DAB2IP: variants seen among roughly 807,000 people sequenced by gnomAD.
DAB2IP encodes DAB2 interacting protein, also known as disabled homolog 2-interacting protein.
DAB2IP carries 28 observed loss-of-function variants against 107.2 expected under a neutral mutation model. The observed-to-expected ratio is 0.26, with a 90% confidence interval of 0.19 to 0.36. The LOEUF (loss-of-function observed/expected upper bound fraction) is 0.36. Ranked by LOEUF, DAB2IP falls within the 10% of genes least tolerant of loss-of-function variation. The pLI, the probability that DAB2IP is intolerant of heterozygous loss-of-function variation, is 1.00. For missense variants in DAB2IP, 1,400 were observed against 1,644.7 expected (o/e 0.85, Z 2.57); for synonymous variants, 755 against 706.4 (o/e 1.07, Z -1.09).
At chr9:121,588,842 G>C (rs1830365426) in intron 1 of DAB2IP, among the ~76,000 whole-genome samples, 1 of 151,842 alleles carries the variant, frequency 6.6e-6, no homozygotes, top group Admixed American at 6.6e-5. Flanking sequence ...TGGGGAGGTG[G>C]CTGTCTTCAG....
intron 3 of DAB2IP, among the ~76,000 whole-genome samples, chr9:121,725,725 G>A (rs925235266): frequency 2.6e-5 from 4 of 152,208 alleles, no homozygotes; most frequent in Admixed American, 2.6e-4. Flanking sequence ...TCCCTTGAGG[G>A]AGGGAAAGGG....
At chr9:121,579,629 C>T (rs75318126) in intron 1 of DAB2IP, among the ~76,000 whole-genome samples, 20,128 of 152,132 alleles carry the variant, frequency 0.13, 1,631 homozygotes, top group East Asian at 0.24. Flanking sequence ...CTCTGTGCAC[C>T]TGACCGGTTC....
Position 121,746,815 on chromosome 9 carries a change from C to T in DAB2IP, c.363-10198C>T, listed in dbSNP as rs948091235. On this transcript the variant is annotated intron_variant, in intron 3 of 15. Coordinates refer to ENST00000408936, the Ensembl canonical transcript of DAB2IP. ...TCATTATCATTTCCCACTTGGGTCT[C>T]GCATCCCCAGGGCCCTGAGGTGGCT... Among the ~76,000 whole-genome samples, 5 of 152,304 alleles carry T rather than the reference C, an allele frequency of 3.3e-5. No homozygotes were observed. In the East Asian group the frequency reaches 5.8e-4, roughly 18 times the overall value.
At chr9:121,697,849 T>C (rs1384291122) in intron 2 of DAB2IP, among the ~76,000 whole-genome samples, 3 of 152,062 alleles carry the variant, frequency 2.0e-5, no homozygotes, top group East Asian at 1.9e-4. Flanking sequence ...AGGAGAAAGA[T>C]AGGAAAAGGG....
intron 1 of DAB2IP, among the ~76,000 whole-genome samples, chr9:121,612,261 C>T (rs1254316529): frequency 6.6e-6 from 1 of 151,920 alleles, no homozygotes; most frequent in Non-Finnish European, 1.5e-5. Flanking sequence ...GTTGAGGCTG[C>T]AGCGAGCCGG....
At chr9:121,596,101 A>C (rs1308399829) in intron 1 of DAB2IP, among the ~76,000 whole-genome samples, 1 of 152,156 alleles carries the variant, frequency 6.6e-6, no homozygotes, top group Admixed American at 6.5e-5. Context: ...CAGGTGGATC[A>C]CCTGAGGCGG....
At chr9:121,577,069 C>T (rs1049931227) in intron 1 of DAB2IP, among the ~76,000 whole-genome samples, 11 of 152,180 alleles carry the variant, frequency 7.2e-5, no homozygotes, top group African/African-American at 1.9e-4. Context: ...GGACATCTCT[C>T]GGGCTCTGCC....
intron 2 of DAB2IP, among the ~76,000 whole-genome samples, chr9:121,685,472 T>TTA (rs1262540269): frequency 6.6e-6 from 1 of 152,158 alleles, no homozygotes; most frequent in Non-Finnish European, 1.5e-5. Context: ...CCCCACCCCA[T>TTA]TAATACACAG....
intron 2 of DAB2IP, among the ~76,000 whole-genome samples, chr9:121,679,878 G>C (rs989807021): frequency 6.6e-6 from 1 of 152,054 alleles, no homozygotes; most frequent in Non-Finnish European, 1.5e-5. Flanking sequence ...AGGGACTTCC[G>C]GGGAGGGAGA....
intron 1 of DAB2IP, among the ~76,000 whole-genome samples, chr9:121,610,743 G>C (rs1211162313): frequency 2.0e-5 from 3 of 152,152 alleles, no homozygotes; most frequent in Non-Finnish European, 4.4e-5. Flanking sequence ...TAGTCAGAGG[G>C]GGGCGCAGAG....
At position 121,597,670 on chromosome 9, in the gene DAB2IP, T is replaced by C. The variant is rs559245965; in HGVS notation, c.40+30442T>C. On this transcript the variant is annotated intron_variant, in intron 1 of 16. Transcript: ENST00000259371. ...AAAAGGATTTCTTGCATACTATCTC[T>C]TGGAGTTCTAAAACTCCCTTTTTGC... 2.6e-5 allele frequency among the ~76,000 whole-genome samples: 4 copies of C among 152,340 alleles called. No individual in the cohort carries two copies. In the East Asian group the frequency reaches 7.7e-4, roughly 29 times the overall value.
intron 3 of DAB2IP, among the ~76,000 whole-genome samples, chr9:121,720,248 T>A (rs970586680): frequency 6.6e-6 from 1 of 152,154 alleles, no homozygotes; most frequent in Non-Finnish European, 1.5e-5. Context: ...GTGTGCCTCA[T>A]TGAGTGGCAG....
intron 1 of DAB2IP, among the ~76,000 whole-genome samples, chr9:121,657,418 C>T (rs934613773): frequency 9.2e-5 from 14 of 152,216 alleles, no homozygotes; most frequent in African/African-American, 3.4e-4. Flanking sequence ...GAACAGCTCC[C>T]TTTCACCAAG....
intron 3 of DAB2IP, among the ~76,000 whole-genome samples, chr9:121,706,903 C>A (rs887554911): frequency 6.6e-6 from 1 of 152,198 alleles, no homozygotes; most frequent in Non-Finnish European, 1.5e-5. Flanking sequence ...TGAAAACCTA[C>A]GGGAGGGAGA....
rs149296137 is a variant in DAB2IP, at chr9:121,698,975, G to A, written c.229-350G>A. 0.051 allele frequency among the ~76,000 whole-genome samples: 7,792 copies of A among 151,744 alleles called. 438 individuals are homozygous for A. The highest frequency in any genetic ancestry group is 0.13 in the African/African-American group (5,411 of 41,446). ...CCCCGGGGGTCTCCGCCCCTCCGCA[G>A]CCCCGCCCCCTCGTCCCGGTACTCC... is the stretch of plus-strand genomic sequence containing the variant. On this transcript the variant is annotated intron_variant, in intron 2 of 15. Coordinates refer to ENST00000408936, the Ensembl canonical transcript of DAB2IP. The surrounding 1 kb of genome is among the most constrained non-coding windows in gnomAD (Gnocchi z 4.1).
chr9:121,567,145 G>C (rs779342806), exon 1 of DAB2IP: 2 of 1,613,550 alleles, frequency 1.2e-6, no homozygotes, highest in Admixed American at 1.7e-5. Context: ...AGACAGCCTC[G>C]GTTCATAAAT....
chr9:121,754,652 C>T (rs534263523), intron 3 of DAB2IP, among the ~76,000 whole-genome samples: 3 of 152,310 alleles, frequency 2.0e-5, no homozygotes, highest in African/African-American at 7.2e-5. Context: ...TCAGCCAGAG[C>T]ATGCTTGTGG....
intron 1 of DAB2IP, among the ~76,000 whole-genome samples, chr9:121,644,636 GAA>G (rs1466074978): frequency 6.6e-6 from 1 of 151,928 alleles, no homozygotes; most frequent in African/African-American, 2.4e-5. Context: ...GAGAAAGAGA[GAA>G]AAGAAAAGAA....
At position 121,679,409 on chromosome 9, in the gene DAB2IP, C is replaced by T. The variant is rs188792399; in HGVS notation, c.228+628C>T. 5.6e-5 allele frequency among the ~76,000 whole-genome samples: 8 copies of T among 143,346 alleles called. No individual in the cohort carries two copies. The East Asian group carries it at 1.7e-3, about 31-fold the overall frequency. 94.0% of individuals were successfully genotyped at this position (143,346 alleles called of 152,430 possible). On this transcript the variant is annotated intron_variant, in intron 2 of 15. Coordinates refer to ENST00000408936, the Ensembl canonical transcript of DAB2IP. The stretch of plus-strand genomic sequence containing the variant: ...CTGTTCATACCCTTCTGCATTTGTG[C>T]ATGTACACACACACACACACACACA...
Sources: gnomAD v4.1 joint callset for allele counts (sites outside exome capture counted in the v4.1 genomes callset) on GRCh38, gnomAD v4.1.1 for gene constraint, Gnocchi (gnomAD v3.1) non-coding constraint, MANE v1.5 for transcripts, NCBI Gene and HGNC (gene_info 2026-07-23, HGNC 2026-07-21) for gene names.